The following SCRN3 variants were observed in gnomAD, a reference collection of about 807,000 sequenced individuals.
The protein encoded by SCRN3 is secernin 3, also known as secernin-3.
A neutral mutation model predicts 43.1 loss-of-function variants in SCRN3; 39 were observed. The ratio of observed to expected loss-of-function variants is 0.91; its 90% CI spans 0.70 to 1.18. SCRN3 has a LOEUF of 1.18. Among genes scored for constraint, SCRN3 ranks in the 50% most tolerant of loss-of-function variants. The pLI is 0.00. For missense variants in SCRN3, 484 were observed against 498.0 expected, an observed-to-expected ratio of 0.97 and a Z score of 0.27; for synonymous variants, 147 against 163.1, an observed-to-expected ratio of 0.90 and a Z score of 0.75.
rs775283334 is a variant in SCRN3, at chr2:174,400,028, G to T, written c.266G>T (p.Cys89Phe). ...ATGGGAGCCAATGAGCATGGAGTTT[G>T]CATTGGGAATGAAGCTGTATGGGGA... ...AEMGANEHGVCIGNEAVWGRE... is the reference protein window; with the variant it reads ...AEMGANEHGVFIGNEAVWGRE... The change falls in exon 3 of 8, where the codon TGC (cysteine) becomes TTC (phenylalanine). Residue 89 changes from cysteine to phenylalanine, a missense_variant. Physicochemically the swap from Cys to Phe is radical, Grantham distance 205 (BLOSUM62 -2). Coordinates refer to ENST00000272732, the MANE Select transcript of SCRN3 (RefSeq NM_024583.5). 2.2e-5 allele frequency: 35 copies of T among 1,601,426 alleles called. No homozygotes were observed. Among genetic ancestry groups the T allele is most frequent in the Non-Finnish European group, 8.5e-7 (1 of 1,175,170 alleles).
chr2:174,424,072 T>C (rs2105627946), intron 6 of SCRN3, among the ~76,000 whole-genome samples: 1 of 152,294 alleles, frequency 6.6e-6, no homozygotes, highest in Admixed American at 6.5e-5. Flanking sequence ...ATTACAGGCA[T>C]GAGCCACTGT....
chr2:174,416,726 T>C (rs1686124513), intron 5 of SCRN3, among the ~76,000 whole-genome samples: 1 of 152,192 alleles, frequency 6.6e-6, no homozygotes, highest in Non-Finnish European at 1.5e-5. Flanking sequence ...GCTGATGCTG[T>C]TGGATATTTT....
At position 174,428,701 on chromosome 2, in the gene SCRN3, T is replaced by C. The variant is rs1686570509; in HGVS notation, c.*806T>C. The stretch of plus-strand genomic sequence containing the variant: ...ATGAGGTAGTGGCAATGAAATAGAA[T>C]TATTAGTATATTATGAACATTATAA... On this transcript the variant is annotated 3_prime_UTR_variant, in exon 8 of 8. Transcript: ENST00000272732. 1 of 152,170 alleles carries C rather than the reference T, an allele frequency of 6.6e-6. No individual in the cohort carries two copies. The highest frequency in any genetic ancestry group is 1.5e-5 in the Non-Finnish European group (1 of 68,026). 9.4% of individuals were successfully genotyped at this position (152,170 alleles called of 1,614,324 possible).
chr2:174,405,820 T>G (rs1164272363), intron 5 of SCRN3, among the ~76,000 whole-genome samples: 1 of 150,696 alleles, frequency 6.6e-6, no homozygotes, highest in Non-Finnish European at 1.5e-5. Flanking sequence ...GATCTATATC[T>G]CTGTTTTGGT....
chr2:174,410,297 A>G (rs1363855511), intron 5 of SCRN3: 2 of 150,630 alleles, frequency 1.3e-5, no homozygotes, highest in Non-Finnish European at 3.0e-5. Context: ...AGGTGAGGCA[A>G]TGCCTCGCCC....
chr2:174,403,015 T>A (rs1685558694), intron 4 of SCRN3, among the ~76,000 whole-genome samples: 1 of 151,950 alleles, frequency 6.6e-6, no homozygotes, highest in South Asian at 2.1e-4. Flanking sequence ...CTAGACTTAT[T>A]TATAATTTAA....
chr2:174,401,273 C>A, intron 4 of SCRN3, 84 bp downstream of exon 4: 5 of 1,028,006 alleles, frequency 4.9e-6, no homozygotes, highest in Non-Finnish European at 4.3e-6. Flanking sequence ...TTAATTGCTT[C>A]CAAGATTAAT....
intron 4 of SCRN3, among the ~76,000 whole-genome samples, chr2:174,402,437 C>G (rs1268597410): frequency 6.6e-6 from 1 of 152,156 alleles, no homozygotes; most frequent in Non-Finnish European, 1.5e-5. Context: ...CCTATAATCC[C>G]AGCACTTTGA....
chr2:174,422,891 T>A lies in SCRN3; in HGVS notation c.761T>A (p.Ile254Lys), dbSNP rs139815824. The A allele has an allele frequency of 6.2e-6, 10 of 1,602,260 alleles. No individual in the cohort carries two copies. Among genetic ancestry groups the A allele is most frequent in the Non-Finnish European group, 8.5e-6 (10 of 1,169,758 alleles). The change falls in exon 6 of 8, where the codon ATA becomes AAA. Residue 254 changes from isoleucine (I) to lysine (K), a missense_variant. Coordinates refer to ENST00000272732, the MANE Select transcript of SCRN3 (RefSeq NM_024583.5). ...TTAAAAATTATTTCTCTAGGAAATA[T>A]AACTTTTGAAACAATGATGGAAATT... is the stretch of plus-strand genomic sequence containing the variant. Reference protein sequence around the residue: ...YKLLNKHKGNITFETMMEILR... With the variant: ...YKLLNKHKGNKTFETMMEILR...
intron 5 of SCRN3, among the ~76,000 whole-genome samples, chr2:174,413,133 A>G (rs1685985509): frequency 6.6e-6 from 1 of 151,828 alleles, no homozygotes. Flanking sequence ...CGGCCTCCCA[A>G]AGTGCTGGGA....
chr2:174,426,336 TA>T (rs1218106791), intron 7 of SCRN3, among the ~76,000 whole-genome samples: 1 of 152,208 alleles, frequency 6.6e-6, no homozygotes, highest in African/African-American at 2.4e-5. Context: ...CAATACCATT[TA>T]TAGACAAAAT....
intron 5 of SCRN3, among the ~76,000 whole-genome samples, chr2:174,412,978 C>T (rs567158389): frequency 6.0e-5 from 9 of 150,282 alleles, no homozygotes; most frequent in African/African-American, 2.2e-4. Flanking sequence ...AAGCGATTCT[C>T]CTGCCTCAGA....
rs539224834 is a variant in SCRN3, at chr2:174,413,030, G to A, written c.754+8715G>A. Among the ~76,000 whole-genome samples, 44 of 151,656 alleles carry A rather than the reference G, an allele frequency of 2.9e-4. 1 individual carries two copies. The highest frequency in any genetic ancestry group is 7.3e-4 in the African/African-American group (30 of 41,252). ...ATTACAGGCATGTGCCACCACACCC[G>A]GCTAATTTTGTAATTTTTTTTAGTA... On this transcript the variant is annotated intron_variant, in intron 5 of 7. Transcript: ENST00000272732.
intron 5 of SCRN3, among the ~76,000 whole-genome samples, chr2:174,419,714 T>G (rs927952413): frequency 6.6e-6 from 1 of 152,162 alleles, no homozygotes; most frequent in Non-Finnish European, 1.5e-5. Flanking sequence ...TGTTGTTGTT[T>G]TTTAAACTGT....
rs1173342386 is a variant in SCRN3 at position 174,401,203 on chromosome 2, T to C, written c.541+14T>C. The C allele has an allele frequency of 1.2e-6, 2 of 1,607,886 alleles. No individual in the cohort carries two copies. Among genetic ancestry groups the C allele is most frequent in the Non-Finnish European group, 1.7e-6 (2 of 1,175,024 alleles). ...AAAAAGTACAAGGTATGGACAACTT[T>C]TTGTGATTTAACTTGTTTTTGCAAT... On this transcript the variant is annotated intron_variant, in intron 4 of 7. Transcript: ENST00000272732.
chr2:174,399,898 A>C, intron 2 of SCRN3, 24 bp from the exon 3 acceptor site: 1 of 909,070 alleles, frequency 1.1e-6, no homozygotes, highest in Non-Finnish European at 1.5e-6. Flanking sequence ...TCTTGCTATG[A>C]CTTTTTTTTT....
chr2:174,401,260 C>A, intron 4 of SCRN3, 71 bp downstream of exon 4: 3 of 1,117,906 alleles, frequency 2.7e-6, no homozygotes, highest in South Asian at 1.5e-5. Flanking sequence ...ATAGATATTG[C>A]ATTTAATTGC....
chr2:174,425,080 C>T (rs1241425033), intron 7 of SCRN3, among the ~76,000 whole-genome samples: 2 of 152,030 alleles, frequency 1.3e-5, no homozygotes, highest in African/African-American at 2.4e-5. Flanking sequence ...GGTTTCTTAA[C>T]GTAATGTTCT....
At chr2:174,413,458 C>A (rs1284006733) in intron 5 of SCRN3, among the ~76,000 whole-genome samples, 3 of 152,080 alleles carry the variant, frequency 2.0e-5, no homozygotes, top group Admixed American at 6.6e-5. Context: ...TGCAGTCTGC[C>A]CCACACATGC....
Sources: gnomAD v4.1 joint callset for allele counts (sites outside exome capture counted in the v4.1 genomes callset) on GRCh38, gnomAD v4.1.1 for gene constraint, MANE v1.5 for transcripts, NCBI Gene and HGNC (gene_info 2026-07-23, HGNC 2026-07-21) for gene names.